SLC22A15: variants seen among roughly 807,000 people sequenced by gnomAD.
SLC22A15 encodes the protein solute carrier family 22 member 15, also known as flipt 1.
A neutral mutation model predicts 62.7 loss-of-function variants in SLC22A15; 45 were observed. That is an observed-to-expected ratio of 0.72 (90% CI 0.56 to 0.92). The LOEUF is 0.92. SLC22A15 is among the 40% of genes least tolerant of loss of function. The pLI is 0.00. For synonymous variants in SLC22A15, 264 were observed against 267.0 expected (o/e 0.99, Z 0.11); for missense variants, 622 against 665.6 (o/e 0.93, Z 0.72).
intron 2 of SLC22A15, among the ~76,000 whole-genome samples, chr1:115,993,428 AGTGT>A (rs762008398): frequency 4.9e-5 from 7 of 143,564 alleles, no homozygotes; most frequent in African/African-American, 1.3e-4. Flanking sequence ...AGTGTGTGAG[AGTGT>A]GTGTGTGTGT....
chr1:116,025,422 TGCTGTCACATCA>T (rs1308655033), intron 4 of SLC22A15, among the ~76,000 whole-genome samples: 1 of 152,244 alleles, frequency 6.6e-6, no homozygotes. Context: ...ATTCTGAACA[TGCTGTCACATCA>T]GCTTTCCTTT....
At chr1:115,993,066 C>A (rs1438454682) in intron 2 of SLC22A15, among the ~76,000 whole-genome samples, 1 of 152,114 alleles carries the variant, frequency 6.6e-6, no homozygotes, top group Non-Finnish European at 1.5e-5. Flanking sequence ...AGTTTCTGGT[C>A]CTTCTGAGCC....
chr1:115,978,637 A>G (rs956494703), intron 1 of SLC22A15, among the ~76,000 whole-genome samples: 1 of 152,164 alleles, frequency 6.6e-6, no homozygotes, highest in Non-Finnish European at 1.5e-5. Flanking sequence ...ATTGAGATAC[A>G]TGATCCAGGG....
At chr1:116,031,229 T>C in intron 5 of SLC22A15, 137 bp from the exon 6 acceptor site, 1 of 649,816 alleles carries the variant, frequency 1.5e-6, no homozygotes, top group Admixed American at 2.6e-5. Context: ...TCATATGTTA[T>C]TGGGAGAGTC....
intron 1 of SLC22A15, among the ~76,000 whole-genome samples, chr1:115,978,704 T>C (rs1654446848): frequency 6.6e-6 from 1 of 152,126 alleles, no homozygotes; most frequent in South Asian, 2.1e-4. Context: ...CCCAAAGACC[T>C]CTCTACCAAG....
intron 1 of SLC22A15, among the ~76,000 whole-genome samples, chr1:115,984,174 A>C (rs1654745109): frequency 6.6e-6 from 1 of 152,248 alleles, no homozygotes; most frequent in African/African-American, 2.4e-5. Context: ...GACTGAAGTT[A>C]GGGAAAAGCT....
intron 2 of SLC22A15, among the ~76,000 whole-genome samples, chr1:115,999,359 C>G (rs530836422): frequency 6.6e-6 from 1 of 152,258 alleles, no homozygotes; most frequent in African/African-American, 2.4e-5. Context: ...ATTTTTCTCC[C>G]TGGATGACCT....
At chr1:116,040,325 G>T (rs2101488625) in intron 8 of SLC22A15, among the ~76,000 whole-genome samples, 1 of 152,332 alleles carries the variant, frequency 6.6e-6, no homozygotes, top group South Asian at 2.1e-4. Flanking sequence ...GTTTTTCCCA[G>T]ATTAGTAATC....
intron 1 of SLC22A15, among the ~76,000 whole-genome samples, chr1:115,987,514 T>C (rs1264474288): frequency 6.6e-6 from 1 of 152,092 alleles, no homozygotes; most frequent in Non-Finnish European, 1.5e-5. Context: ...TTACTCCGGG[T>C]GTGTTAGTGT....
intron 4 of SLC22A15, among the ~76,000 whole-genome samples, chr1:116,022,653 G>T (rs1445730593): frequency 6.6e-6 from 1 of 152,184 alleles, no homozygotes; most frequent in African/African-American, 2.4e-5. Flanking sequence ...TCTCTTGCTA[G>T]TTGCCTAAAG....
At chr1:116,001,518 T>C (rs978010350) in intron 2 of SLC22A15, among the ~76,000 whole-genome samples, 3 of 152,182 alleles carry the variant, frequency 2.0e-5, no homozygotes, top group Admixed American at 2.0e-4. Context: ...TGCTTTATTA[T>C]TTTTTATTCT....
intron 2 of SLC22A15, among the ~76,000 whole-genome samples, chr1:116,018,078 A>T (rs1570733323): frequency 6.6e-6 from 1 of 152,196 alleles, no homozygotes; most frequent in African/African-American, 2.4e-5. Context: ...GCATACATTC[A>T]AATTGCTGTG....
intron 7 of SLC22A15, among the ~76,000 whole-genome samples, chr1:116,035,667 T>A (rs1251679913): frequency 6.6e-6 from 1 of 152,156 alleles, no homozygotes; most frequent in Non-Finnish European, 1.5e-5. Flanking sequence ...TCTGTGTAGA[T>A]GAAACTCTAT....
intron 5 of SLC22A15, among the ~76,000 whole-genome samples, chr1:116,030,791 T>C (rs1657355247): frequency 6.6e-6 from 1 of 152,190 alleles, no homozygotes; most frequent in African/African-American, 2.4e-5. Flanking sequence ...CACTCAAAAG[T>C]AGCTTTGGTA....
chr1:116,011,859 A>G (rs866956344), intron 2 of SLC22A15, among the ~76,000 whole-genome samples: 1 of 152,100 alleles, frequency 6.6e-6, no homozygotes, highest in South Asian at 2.1e-4. Flanking sequence ...GTCATGCTTC[A>G]TGGCAAAAGT....
intron 8 of SLC22A15, among the ~76,000 whole-genome samples, chr1:116,042,680 A>G (rs1657818463): frequency 6.6e-6 from 1 of 152,202 alleles, no homozygotes; most frequent in Non-Finnish European, 1.5e-5. Context: ...GTATACTTGT[A>G]ATAAATTTAT....
At position 115,976,686 on chromosome 1, in the gene SLC22A15, T is replaced by C. The variant is rs1374828106; in HGVS notation, c.59T>C (p.Leu20Ser). The part of the protein sequence containing the change: ...VGEMGIYQMY[L>S]CFLLAVLLQL... ...GAGATGGGCATCTACCAGATGTACT[T>C]GTGCTTCCTGCTGGCCGTGCTGCTG... Residue 20 changes from leucine (L) to serine (S), a missense_variant, in exon 1 of 12, where the codon TTG becomes TCG. Transcript: ENST00000369503. 2 of 1,586,832 alleles carry C rather than the reference T, an allele frequency of 1.3e-6. No homozygotes were observed. Among genetic ancestry groups the C allele is most frequent in the Admixed American group, 3.5e-5 (2 of 57,568 alleles).
At chr1:115,997,904 A>G (rs1164961812) in intron 2 of SLC22A15, among the ~76,000 whole-genome samples, 1 of 152,168 alleles carries the variant, frequency 6.6e-6, no homozygotes, top group Non-Finnish European at 1.5e-5. Flanking sequence ...TTCTGTGTCC[A>G]GTGTGATACT....
intron 2 of SLC22A15, among the ~76,000 whole-genome samples, chr1:116,000,708 G>A (rs1388621753): frequency 7.3e-6 from 1 of 137,478 alleles, no homozygotes; most frequent in East Asian, 2.3e-4. Context: ...CCGGCTCACT[G>A]CAAACTCTGC....
Sources: allele counts gnomAD v4.1 joint callset (sites outside exome capture counted in the v4.1 genomes callset), GRCh38; gene constraint gnomAD v4.1.1; transcripts MANE v1.5; gene names NCBI Gene and HGNC (gene_info 2026-07-23, HGNC 2026-07-21).